CSMD1: variants seen among roughly 807,000 people sequenced by gnomAD.
The protein encoded by CSMD1 is CUB and Sushi multiple domains 1.
CSMD1 carries 213 observed loss-of-function variants against 417.5 expected under a neutral mutation model. The ratio of observed to expected loss-of-function variants is 0.51; its 90% confidence interval spans 0.46 to 0.57. CSMD1 has a LOEUF of 0.57. Among genes scored for constraint, CSMD1 ranks in the 20% least tolerant of loss-of-function variants. The probability of loss-of-function intolerance (pLI) is 0.00; values close to 1 mark genes in which losing one functional copy is unlikely to be tolerated. For missense variants in CSMD1, 6,923 were observed against 4,529.7 expected (o/e 1.53, Z -15.17); for synonymous variants, 2,862 against 1,736.8 (o/e 1.65, Z -16.11).
chr8:3,090,047 CT>C (rs1382196445), intron 48 of CSMD1, among the ~76,000 whole-genome samples: 7 of 151,788 alleles, frequency 4.6e-5, no homozygotes, highest in South Asian at 2.1e-4. Context: ...GGCGCGGTGG[CT>C]TAACGCCTGT....
intron 1 of CSMD1, among the ~76,000 whole-genome samples, chr8:4,912,021 CT>C (rs1805709972): frequency 6.7e-6 from 1 of 149,768 alleles, no homozygotes; most frequent in African/African-American, 2.5e-5. Flanking sequence ...CTTCTGTAAC[CT>C]TTATTAAAGG....
chr8:3,917,270 G>A (rs1041209770), intron 5 of CSMD1, among the ~76,000 whole-genome samples: 9 of 152,100 alleles, frequency 5.9e-5, no homozygotes, highest in Non-Finnish European at 8.8e-5. Flanking sequence ...ATGCATGAAC[G>A]AACTGAAGTT....
intron 2 of CSMD1, among the ~76,000 whole-genome samples, chr8:4,529,997 C>A (rs1056568596): frequency 1.4e-3 from 212 of 152,102 alleles, no homozygotes; most frequent in African/African-American, 4.5e-3. Context: ...TCACTGCAAG[C>A]CCCGCCTTCC....
chr8:4,204,189 C>T (rs1400236671), intron 3 of CSMD1, among the ~76,000 whole-genome samples: 2 of 151,956 alleles, frequency 1.3e-5, no homozygotes, highest in Non-Finnish European at 2.9e-5. Context: ...TGCTGTGTGC[C>T]TGAGATGGAA....
intron 4 of CSMD1, among the ~76,000 whole-genome samples, chr8:4,012,454 G>T (rs1006510104): frequency 7.9e-5 from 12 of 151,996 alleles, no homozygotes; most frequent in African/African-American, 2.9e-4. Context: ...TTGTTTCAGG[G>T]GTACACATGC....
chr8:4,155,128 G>T (rs530947610), intron 3 of CSMD1, among the ~76,000 whole-genome samples: 1 of 152,130 alleles, frequency 6.6e-6, no homozygotes, highest in Non-Finnish European at 1.5e-5. Flanking sequence ...ATGCACTATT[G>T]TTCCCATGCT....
intron 1 of CSMD1, among the ~76,000 whole-genome samples, chr8:4,938,844 G>A (rs571236389): frequency 6.6e-6 from 1 of 152,256 alleles, no homozygotes; most frequent in African/African-American, 2.4e-5. Context: ...TGAAACAGGT[G>A]TAACGTGATG....
At chr8:3,040,594 G>C (rs1385441398) in intron 50 of CSMD1, among the ~76,000 whole-genome samples, 2 of 151,786 alleles carry the variant, frequency 1.3e-5, no homozygotes, top group African/African-American at 4.8e-5. Flanking sequence ...CACGAGGTCA[G>C]GAGTTCAGGA....
chr8:4,033,413 G>C (rs943790375), intron 3 of CSMD1, among the ~76,000 whole-genome samples: 1 of 152,192 alleles, frequency 6.6e-6, no homozygotes, highest in Non-Finnish European at 1.5e-5. Context: ...CTGCACTCCA[G>C]CGTGGGTGAC....
At chr8:4,127,491 A>T (rs894125880) in intron 3 of CSMD1, among the ~76,000 whole-genome samples, 25 of 151,118 alleles carry the variant, frequency 1.7e-4, no homozygotes, top group South Asian at 4.2e-4. Context: ...AAAATCATAA[A>T]AACTAACTTC....
chr8:4,069,205 C>T (rs975453450), intron 3 of CSMD1, among the ~76,000 whole-genome samples: 6 of 152,016 alleles, frequency 3.9e-5, no homozygotes, highest in East Asian at 1.9e-4. Flanking sequence ...CTGATTGAGG[C>T]GTGAATGTAA....
At chr8:4,842,749 G>T (rs955446639) in intron 1 of CSMD1, among the ~76,000 whole-genome samples, 7 of 152,164 alleles carry the variant, frequency 4.6e-5, no homozygotes, top group Non-Finnish European at 1.0e-4. Context: ...TATTTATTAT[G>T]CTAGCATTGA....
At chr8:3,015,819 G>T (rs752617740) in intron 52 of CSMD1, among the ~76,000 whole-genome samples, 9 of 152,152 alleles carry the variant, frequency 5.9e-5, no homozygotes, top group African/African-American at 1.2e-4. Flanking sequence ...TGGAAGAAAA[G>T]CAATAGCAAG....
At chr8:4,862,485 T>C (rs1802196167) in intron 1 of CSMD1, among the ~76,000 whole-genome samples, 1 of 152,100 alleles carries the variant, frequency 6.6e-6, no homozygotes, top group Non-Finnish European at 1.5e-5. Flanking sequence ...GTTAAAAGTC[T>C]GCAGTGATAA....
intron 3 of CSMD1, among the ~76,000 whole-genome samples, chr8:4,391,506 G>C (rs779092902): frequency 2.0e-5 from 3 of 152,116 alleles, no homozygotes; most frequent in Non-Finnish European, 1.5e-5. Flanking sequence ...GCTGTGACCA[G>C]TGCAGGAGAC....
chr8:3,612,907 G>C (rs968885834), intron 8 of CSMD1, among the ~76,000 whole-genome samples: 1 of 151,674 alleles, frequency 6.6e-6, no homozygotes, highest in Non-Finnish European at 1.5e-5. Context: ...AGTAAACAGA[G>C]GAAATAAATT....
At chr8:3,047,787 T>C (rs1811558050) in intron 50 of CSMD1, among the ~76,000 whole-genome samples, 1 of 152,224 alleles carries the variant, frequency 6.6e-6, no homozygotes, top group Non-Finnish European at 1.5e-5. Context: ...ATGGACATTC[T>C]AGAGACCAGC....
intron 7 of CSMD1, among the ~76,000 whole-genome samples, chr8:3,627,873 G>C (rs1286506023): frequency 6.6e-6 from 1 of 152,092 alleles, no homozygotes; most frequent in Non-Finnish European, 1.5e-5. Context: ...TTAATTCACT[G>C]TTTTCACTTT....
At chr8:4,880,401 C>T (rs1031016506) in intron 1 of CSMD1, among the ~76,000 whole-genome samples, 4 of 152,044 alleles carry the variant, frequency 2.6e-5, no homozygotes, top group Admixed American at 1.3e-4. Context: ...AAAGAGAAGG[C>T]ATCAGAGTAT....
Sources: allele counts gnomAD v4.1 joint callset (sites outside exome capture counted in the v4.1 genomes callset), GRCh38; gene constraint gnomAD v4.1.1; transcripts MANE v1.5; gene names NCBI Gene and HGNC (gene_info 2026-07-23, HGNC 2026-07-21).